Variants in STAM observed in about 807,000 individuals in gnomAD.
STAM encodes signal transducing adapter molecule 1.
STAM carries 16 observed loss-of-function variants against 63.4 expected under a neutral mutation model. The observed-to-expected ratio is 0.25, with a 90% CI of 0.17 to 0.38. The LOEUF (loss-of-function observed/expected upper bound fraction) is 0.38, where lower values mean the gene tolerates loss of function less well. STAM is among the 10% of genes least tolerant of loss of function. The pLI is 1.00. For synonymous variants in STAM, 238 were observed against 223.9 expected (o/e 1.06, Z -0.56); for missense variants, 636 against 657.1 (o/e 0.97, Z 0.35).
intron 6 of STAM, among the ~76,000 whole-genome samples, chr10:17,693,723 T>G (rs1239195873): frequency 6.6e-6 from 1 of 152,214 alleles, no homozygotes; most frequent in Non-Finnish European, 1.5e-5. Context: ...TTCCTACTGA[T>G]GGACCTGTGG....
At chr10:17,662,157 A>G (rs371178826) in intron 2 of STAM, among the ~76,000 whole-genome samples, 1 of 151,632 alleles carries the variant, frequency 6.6e-6, no homozygotes, top group African/African-American at 2.4e-5. Flanking sequence ...TTACTCCCCT[A>G]CCTTCCATAC....
At chr10:17,693,165 T>G in intron 5 of STAM, 57 bp from the exon 6 acceptor site, 2 of 1,486,776 alleles carry the variant, frequency 1.3e-6, no homozygotes, top group Non-Finnish European at 1.9e-6. Context: ...TTAGGGTGGG[T>G]GAGAGGAGGA....
rs781881416 is a variant in STAM, at chr10:17,695,071, A to G, written c.558A>G (p.Glu186=). The G allele has an allele frequency of 6.2e-7, 1 of 1,613,994 alleles. No homozygotes were observed. Among genetic ancestry groups the G allele is most frequent in the Non-Finnish European group, 8.5e-7 (1 of 1,179,900 alleles). Residue 186 remains glutamate (E), a synonymous_variant, in exon 7 of 14, where the codon GAA becomes GAG. Transcript: ENST00000377524. ...TAGCCATTGAGTTGTCTCTCAAGGAACAAAGGCAGCAGTCAACCACCCTTT... is the reference window on the plus strand; with the variant it reads ...TAGCCATTGAGTTGTCTCTCAAGGAGCAAAGGCAGCAGTCAACCACCCTTT... ...LAKAIELSLK[E]QRQQSTTLST... is the part of the protein sequence containing the mutation.
intron 8 of STAM, 86 bp downstream of exon 8, chr10:17,696,955 T>C: frequency 1.8e-6 from 2 of 1,107,092 alleles, no homozygotes; most frequent in African/African-American, 1.5e-5. Context: ...TTTAGAGCAG[T>C]GTTGCCCAGG....
At chr10:17,707,274 G>A (rs1554829393) in intron 12 of STAM, among the ~76,000 whole-genome samples, 3 of 152,148 alleles carry the variant, frequency 2.0e-5, no homozygotes, top group Admixed American at 2.0e-4. Flanking sequence ...GCCTGGCGTG[G>A]TGGTGGGTGC....
intron 13 of STAM, among the ~76,000 whole-genome samples, chr10:17,712,449 C>T (rs1253656302): frequency 1.3e-5 from 2 of 152,134 alleles, no homozygotes; most frequent in Non-Finnish European, 2.9e-5. Flanking sequence ...CCTTAGGTCA[C>T]CACATTAGTT....
chr10:17,651,636 G>A (rs1554821566), intron 1 of STAM, among the ~76,000 whole-genome samples: 1 of 152,114 alleles, frequency 6.6e-6, no homozygotes, highest in African/African-American at 2.4e-5. Flanking sequence ...CTTCCATGCT[G>A]TTCTTTTGAT....
chr10:17,647,545 A>G (rs1554821019), intron 1 of STAM, among the ~76,000 whole-genome samples: 1 of 151,616 alleles, frequency 6.6e-6, no homozygotes, highest in African/African-American at 2.4e-5. Flanking sequence ...AATTTAGCTT[A>G]GTGTTAAGAA....
At chr10:17,650,306 G>T (rs1833686260) in intron 1 of STAM, among the ~76,000 whole-genome samples, 1 of 152,192 alleles carries the variant, frequency 6.6e-6, no homozygotes, top group African/African-American at 2.4e-5. Context: ...GGTAAATAGG[G>T]ATAGCAATAT....
chr10:17,660,402 G>T, intron 1 of STAM, 62 bp from the exon 2 acceptor site: 1 of 1,119,782 alleles, frequency 8.9e-7, no homozygotes, highest in South Asian at 1.5e-5. Flanking sequence ...ATTTAAATGT[G>T]ATTATGTATC....
intron 2 of STAM, among the ~76,000 whole-genome samples, chr10:17,679,098 G>T (rs980008459): frequency 3.9e-5 from 6 of 152,110 alleles, no homozygotes; most frequent in South Asian, 2.1e-4. Flanking sequence ...TAGAGTCCCA[G>T]CTGGATTATA....
At chr10:17,696,077 T>A (rs1443831369) in intron 7 of STAM, 1 of 152,086 alleles carries the variant, frequency 6.6e-6, no homozygotes, top group Non-Finnish European at 1.5e-5. Flanking sequence ...CTTTCCAAAG[T>A]CCCCACCTTC....
intron 1 of STAM, among the ~76,000 whole-genome samples, chr10:17,655,091 C>G (rs1381581825): frequency 6.6e-6 from 1 of 152,184 alleles, no homozygotes; most frequent in Non-Finnish European, 1.5e-5. Context: ...CCTCTTCTCT[C>G]TCTCCAGGAT....
rs539216891 is a variant in STAM, at chr10:17,714,752, A to G, written c.1595A>G (p.Gln532Arg). 2.5e-6 allele frequency: 4 copies of G among 1,614,126 alleles called. No homozygotes were observed. Among genetic ancestry groups the G allele is most frequent in the South Asian group, 1.1e-5 (1 of 91,062 alleles). The change falls in exon 14 of 14, where the codon CAA (glutamine) becomes CGA (arginine). Residue 532 changes from glutamine (Q) to arginine (R), a missense_variant. By Grantham distance (43) the Gln-to-Arg change is conservative (BLOSUM62 1). Around this residue, in one of 3 missense-constraint regions of STAM, gnomAD observed 532 missense variants for 536.9 expected, o/e 0.99. Coordinates refer to ENST00000377524, the MANE Select transcript of STAM (RefSeq NM_003473.4). ...AGCCAACAGCCACCTCAGCCACAGCAACCATATTCTCAGAAGGCTCTGCTA... is the reference window on the plus strand; with the variant it reads ...AGCCAACAGCCACCTCAGCCACAGCGACCATATTCTCAGAAGGCTCTGCTA... ...GGSQQPPQPQ[Q>R]PYSQKALL
In STAM at chr10:17,645,655, A is replaced by AT. The variant is rs548908014; in HGVS notation, c.40+1276_40+1277insT. Among the ~76,000 whole-genome samples, 498 of 152,306 alleles carry AT rather than the reference A, an allele frequency of 3.3e-3. 2 individuals are homozygous for AT. The highest frequency in any genetic ancestry group is 0.011 in the African/African-American group (468 of 41,568). On this transcript the variant is annotated intron_variant, in intron 1 of 13. Coordinates refer to ENST00000377524, the MANE Select transcript of STAM (RefSeq NM_003473.4). ...TGTTCCACCTTAAATGAGTGTCCTG[A>AT]ATCTTAGCAGTGGACAGAACCTTGG...
intron 4 of STAM, among the ~76,000 whole-genome samples, chr10:17,685,261 G>C (rs1835249523): frequency 6.6e-6 from 1 of 152,084 alleles, no homozygotes; most frequent in African/African-American, 2.4e-5. Flanking sequence ...TTTTCCTAAT[G>C]GAAAACCTTT....
intron 4 of STAM, among the ~76,000 whole-genome samples, chr10:17,686,524 G>A (rs1299527398): frequency 6.6e-6 from 1 of 152,010 alleles, no homozygotes; most frequent in Non-Finnish European, 1.5e-5. Context: ...ATACAGGCAT[G>A]CGCCACCACG....
rs1335091920 is a variant in STAM, at chr10:17,649,201, G to A, written c.40+4822G>A. On this transcript the variant is annotated intron_variant, in intron 1 of 13. Coordinates refer to ENST00000377524, the MANE Select transcript of STAM (RefSeq NM_003473.4). ...GGAGGATTCCTTGAGGCCAGGAATTGGAGACCAGTCTGGGCAACATAATGA... is the reference window on the plus strand; with the variant it reads ...GGAGGATTCCTTGAGGCCAGGAATTAGAGACCAGTCTGGGCAACATAATGA... 3.3e-5 allele frequency among the ~76,000 whole-genome samples: 5 copies of A among 152,124 alleles called. 1 individual carries two copies. Among genetic ancestry groups the A allele is most frequent in the Admixed American group, 2.6e-4 (4 of 15,276 alleles).
rs544082118 is a variant in STAM at position 17,661,203 on chromosome 10, C to T, written c.125+655C>T. 3.3e-5 allele frequency among the ~76,000 whole-genome samples: 5 copies of T among 152,296 alleles called. No individual in the cohort carries two copies. In the East Asian group the frequency reaches 9.6e-4, roughly 29 times the overall value. On this transcript the variant is annotated intron_variant, in intron 2 of 13. Coordinates refer to ENST00000377524, the MANE Select transcript of STAM (RefSeq NM_003473.4). ...TTGGTGTGGATATGGGTGATTTCTT[C>T]AGCTCCTGGGCTAACAGCATTAGCC...
Sources: gnomAD v4.1 joint callset for allele counts (sites outside exome capture counted in the v4.1 genomes callset) on GRCh38, gnomAD v4.1.1 for gene constraint, gnomAD v4.1.1 regional missense constraint, MANE v1.5 for transcripts, NCBI Gene and HGNC (gene_info 2026-07-23, HGNC 2026-07-21) for gene names.